Variants in DPRX observed in about 807,000 individuals in gnomAD.
DPRX encodes divergent-paired related homeobox.
Under a neutral mutation model 8.4 loss-of-function variants are expected in DPRX, and 11 were observed. The observed-to-expected ratio is 1.31, with a 90% CI of 0.82 to 2.17. The LOEUF is 2.17. Ranked by LOEUF, DPRX falls within the 30% of genes most tolerant of loss-of-function variation. DPRX has a pLI of 0.00. For synonymous variants in DPRX, 72 were observed against 87.0 expected (o/e 0.83, Z 0.96); for missense variants, 211 against 236.7 (o/e 0.89, Z 0.71).
intron 1 of DPRX, among the ~76,000 whole-genome samples, chr19:53,632,473 T>A (rs2091096859): frequency 6.6e-6 from 1 of 151,868 alleles, no homozygotes; most frequent in African/African-American, 2.4e-5. Flanking sequence ...GCTAATTTTT[T>A]TTTTTTTTGT....
the DPRX span, among the ~76,000 whole-genome samples, chr19:53,620,470 C>A: frequency 6.6e-6 from 1 of 151,392 alleles, no homozygotes; most frequent in Non-Finnish European, 1.5e-5. Context: ...TCAAGAGATT[C>A]TCCTGCCTCA....
chr19:53,615,303 C>T, the DPRX span, among the ~76,000 whole-genome samples: 4 of 149,832 alleles, frequency 2.7e-5, no homozygotes, highest in African/African-American at 4.9e-5. Context: ...TTCTTTGAGA[C>T]GCAGTCTCAC....
chr19:53,624,651 G>C, the DPRX span, among the ~76,000 whole-genome samples: 8 of 152,044 alleles, frequency 5.3e-5, no homozygotes, highest in South Asian at 1.0e-3. Flanking sequence ...CTGGCCACAA[G>C]TGATCCACCT....
chr19:53,618,690 T>TTC, the DPRX span, among the ~76,000 whole-genome samples: 1 of 149,050 alleles, frequency 6.7e-6, no homozygotes, highest in African/African-American at 2.5e-5. Flanking sequence ...GTCTCCAGAT[T>TTC]TTTTTTTTTT....
At chr19:53,608,937 CAG>C in the DPRX span, among the ~76,000 whole-genome samples, 7 of 103,740 alleles carry the variant, frequency 6.7e-5, no homozygotes, top group African/African-American at 2.8e-4. Context: ...CCTGGGCGGA[CAG>C]AGTGAGACTC....
At chr19:53,602,200 C>T in the DPRX span, 7 of 448,178 alleles carry the variant, frequency 1.6e-5, no homozygotes, top group East Asian at 1.4e-4. Context: ...ACAGGTTCAA[C>T]TTCAGAAGCT....
chr19:53,617,242 C>A, the DPRX span: 1 of 780,404 alleles, frequency 1.3e-6, no homozygotes, highest in South Asian at 1.3e-5. Context: ...CTACCGGGCT[C>A]TCTGATGGGT....
the DPRX span, chr19:53,616,934 T>C: frequency 1.5e-6 from 2 of 1,299,554 alleles, no homozygotes; most frequent in Non-Finnish European, 2.2e-6. Context: ...TACTTCCTCA[T>C]CACCAGAGGA....
the DPRX span, chr19:53,616,916 T>C: frequency 7.0e-7 from 1 of 1,427,048 alleles, no homozygotes; most frequent in Non-Finnish European, 9.9e-7. Context: ...GCTCTGGTGG[T>C]GGTGTCTTAC....
the DPRX span, among the ~76,000 whole-genome samples, chr19:53,620,591 CTGGCCTCAAGTGATCTGTCTGCCT>C: frequency 6.6e-6 from 1 of 151,370 alleles, no homozygotes; most frequent in Non-Finnish European, 1.5e-5. Flanking sequence ...TCTCGAACTC[CTGGCCTCAAGTGATCTGTCTGCCT>C]TGGCCTCCCA....
chr19:53,602,973 T>A, the DPRX span, among the ~76,000 whole-genome samples: 54 of 151,524 alleles, frequency 3.6e-4, no homozygotes, highest in African/African-American at 2.9e-4. Flanking sequence ...ACTTTTAATT[T>A]TATATATATA....
At chr19:53,632,019 G>T (rs1360930922), upstream of DPRX, 16 of 1,583,208 alleles carry the variant, frequency 1.0e-5, no homozygotes, top group African/African-American at 1.3e-5. Context: ...GTCGGGTGTG[G>T]CTGTGGAGGA....
chr19:53,634,292 A>G (rs933790177), intron 1 of DPRX, among the ~76,000 whole-genome samples: 2 of 152,088 alleles, frequency 1.3e-5, no homozygotes, highest in African/African-American at 2.4e-5. Context: ...TTATCCGGGC[A>G]TGGTGGCGTG....
upstream of DPRX, chr19:53,631,974 G>A (rs944552597): frequency 8.3e-7 from 1 of 1,197,872 alleles, no homozygotes; most frequent in Non-Finnish European, 1.2e-6. Flanking sequence ...TCATATTGGA[G>A]GCAGATAGGG....
At chr19:53,602,326 T>C in the DPRX span, among the ~76,000 whole-genome samples, 1 of 143,252 alleles carries the variant, frequency 7.0e-6, no homozygotes. Context: ...GCCTCCCAAG[T>C]AGGGACTACA....
chr19:53,624,319 C>G, the DPRX span, among the ~76,000 whole-genome samples: 13 of 133,510 alleles, frequency 9.7e-5, no homozygotes, highest in African/African-American at 3.5e-4. Flanking sequence ...AAACTCCTGA[C>G]CTCAGGTGAT....
At chr19:53,607,454 A>G in the DPRX span, among the ~76,000 whole-genome samples, 2 of 152,122 alleles carry the variant, frequency 1.3e-5, no homozygotes, top group Admixed American at 6.6e-5. Flanking sequence ...GCTACTCTAG[A>G]TGATTGCTTG....
At chr19:53,636,469 T>TA (rs957957659) in intron 2 of DPRX, 127 bp from the exon 3 acceptor site, 63 of 818,030 alleles carry the variant, frequency 7.7e-5, no homozygotes, top group East Asian at 4.4e-4. Flanking sequence ...ACTTAAAGGT[T>TA]AAAAAAAAGA....
the DPRX span, chr19:53,617,152 T>C: frequency 8.8e-7 from 1 of 1,131,060 alleles, no homozygotes; most frequent in South Asian, 1.2e-5. Context: ...CAAAACTCAA[T>C]AGATTTCTTC....
Sources: allele counts gnomAD v4.1 joint callset (sites outside exome capture counted in the v4.1 genomes callset), GRCh38; gene constraint gnomAD v4.1.1; transcripts MANE v1.5; gene names NCBI Gene and HGNC (gene_info 2026-07-23, HGNC 2026-07-21).